ARL6IP6: variants seen among roughly 807,000 people sequenced by gnomAD.
ARL6IP6 encodes ADP-ribosylation factor-like protein 6-interacting protein 6.
ARL6IP6 carries 22 observed loss-of-function variants against 21.5 expected under a neutral mutation model. That is an observed-to-expected ratio of 1.02 (90% CI 0.73 to 1.46). ARL6IP6 has a LOEUF of 1.46. Among genes scored for constraint, ARL6IP6 ranks in the 40% most tolerant of loss-of-function variants. The probability of loss-of-function intolerance (pLI) is 0.00; values close to 1 mark genes in which losing one functional copy is unlikely to be tolerated. For missense variants in ARL6IP6, 388 were observed against 299.8 expected (o/e 1.29, Z -2.17); for synonymous variants, 164 against 125.3 (o/e 1.31, Z -2.06).
chr2:152,720,412 G>T (rs776211455), intron 1 of ARL6IP6, 121 bp from the exon 2 acceptor site: 2 of 915,368 alleles, frequency 2.2e-6, no homozygotes, highest in Non-Finnish European at 3.5e-6. Context: ...ATCAGAATTT[G>T]AACCCAGTTC....
At chr2:152,753,554 A>G (rs978786652) in intron 3 of ARL6IP6, among the ~76,000 whole-genome samples, 26 of 151,846 alleles carry the variant, frequency 1.7e-4, no homozygotes, top group African/African-American at 6.3e-4. Context: ...CAAAATGCCA[A>G]TTTTCTACCA....
intron 2 of ARL6IP6, among the ~76,000 whole-genome samples, chr2:152,729,601 G>A (rs961612541): frequency 6.6e-6 from 1 of 152,132 alleles, no homozygotes; most frequent in African/African-American, 2.4e-5. Context: ...CAGAACTGTG[G>A]CTGTGGGTGC....
intron 2 of ARL6IP6, among the ~76,000 whole-genome samples, chr2:152,726,156 TA>T (rs397965355): frequency 6.6e-6 from 1 of 152,108 alleles, no homozygotes; most frequent in African/African-American, 2.4e-5. Context: ...GTTTTTTTTT[TA>T]ATTTTCCCAT....
chr2:152,747,763 G>A (rs564758786), intron 3 of ARL6IP6, among the ~76,000 whole-genome samples: 8 of 152,084 alleles, frequency 5.3e-5, no homozygotes, highest in Admixed American at 4.6e-4. Flanking sequence ...TAGAGATGGG[G>A]TTTCACCATG....
chr2:152,746,727 G>C (rs1432979511), intron 3 of ARL6IP6, among the ~76,000 whole-genome samples: 1 of 151,024 alleles, frequency 6.6e-6, no homozygotes, highest in Non-Finnish European at 1.5e-5. Context: ...CTTTTCTTAA[G>C]GTTTTTTGAG....
chr2:152,737,224 G>C (rs989604319), intron 3 of ARL6IP6, among the ~76,000 whole-genome samples: 3 of 152,028 alleles, frequency 2.0e-5, no homozygotes, highest in African/African-American at 7.3e-5. Context: ...GAGAAGTCAT[G>C]ATTTTACTCT....
At chr2:152,741,786 G>A (rs1162707092) in intron 3 of ARL6IP6, among the ~76,000 whole-genome samples, 1 of 152,178 alleles carries the variant, frequency 6.6e-6, no homozygotes, top group East Asian at 1.9e-4. Flanking sequence ...TTTTTGGAAA[G>A]ATGGTTCCAT....
chr2:152,719,102 C>G (rs1469288977), intron 1 of ARL6IP6, 78 bp downstream of exon 1: 2 of 1,408,662 alleles, frequency 1.4e-6, no homozygotes, highest in Non-Finnish European at 1.9e-6. Flanking sequence ...ACCCATCTCC[C>G]TTTCCCTCGC....
rs148715753 is a variant in ARL6IP6 at position 152,747,110 on chromosome 2, G to A, written c.587+11984G>A. On this transcript the variant is annotated intron_variant, in intron 3 of 3. Coordinates refer to ENST00000326446, the MANE Select transcript of ARL6IP6 (RefSeq NM_152522.7). ...CTCCCAAGGCACTGGGATTACAGGC[G>A]TGAGCCACCACGCCCAGCCAACAAC... Among the ~76,000 whole-genome samples, 54 of 152,116 alleles carry A rather than the reference G, an allele frequency of 3.5e-4. No homozygotes were observed. In the East Asian group the frequency reaches 5.2e-3, roughly 15 times the overall value.
Position 152,718,999 on chromosome 2 carries a change from C to G in ARL6IP6, c.375C>G (p.Leu125=). 6.3e-7 allele frequency: 1 copy of G among 1,578,340 alleles called. No homozygotes were observed. Among genetic ancestry groups the G allele is most frequent in the Non-Finnish European group, 8.6e-7 (1 of 1,159,512 alleles). ...LLFAILLAFL[L]AIAYLIVKEL... ...TCGCCATTCTTCTCGCCTTCCTCCTCGCCATCGCCTACTTGATCGTTAAAG... is the reference window on the plus strand; with the variant it reads ...TCGCCATTCTTCTCGCCTTCCTCCTGGCCATCGCCTACTTGATCGTTAAAG... Residue 125 remains leucine, a synonymous_variant, in exon 1 of 4, where the codon CTC becomes CTG. Coordinates refer to ENST00000326446, the MANE Select transcript of ARL6IP6 (RefSeq NM_152522.7).
intron 2 of ARL6IP6, among the ~76,000 whole-genome samples, chr2:152,722,865 G>A (rs146282010): frequency 1.3e-5 from 2 of 152,136 alleles, no homozygotes; most frequent in East Asian, 3.9e-4. Context: ...CCAAGATTGC[G>A]CCACTGCATT....
rs141813011 is a variant in ARL6IP6, at chr2:152,735,002, A to G, written c.463A>G (p.Thr155Ala). The G allele has an allele frequency of 2.9e-5, 47 of 1,612,508 alleles. No individual in the cohort carries two copies. Among genetic ancestry groups the G allele is most frequent in the African/African-American group, 4.0e-5 (3 of 74,830 alleles). ...TCTCTTTTCCTGTTAAGGATTCTGG[A>G]CTCTACTTATAATATCCCTAACTGC... ...DVDTGLLGFW[T>A]LLIISLTAGF... The change falls in exon 3 of 4, where the codon ACT (threonine) becomes GCT (alanine). Residue 155 changes from threonine (T) to alanine (A), a missense_variant. By Grantham distance (58) the Thr-to-Ala change is moderately conservative. Coordinates refer to ENST00000326446, the MANE Select transcript of ARL6IP6 (RefSeq NM_152522.7).
intron 3 of ARL6IP6, among the ~76,000 whole-genome samples, chr2:152,743,101 A>AATCTGTTCTTAACATC (rs6146967): frequency 0.99 from 150,080 of 152,276 alleles, 73,964 homozygotes; most frequent in East Asian, 1. Flanking sequence ...GCTAAATCAA[A>AATCTGTTCTTAACATC]AGACTTTCTC....
intron 3 of ARL6IP6, among the ~76,000 whole-genome samples, chr2:152,736,285 C>CA (rs1456676126): frequency 6.6e-6 from 1 of 151,992 alleles, no homozygotes; most frequent in Non-Finnish European, 1.5e-5. Flanking sequence ...AGACTCGTTT[C>CA]AAAAAAATCA....
chr2:152,735,231 A>G (rs1700499136), intron 3 of ARL6IP6, 105 bp downstream of exon 3: 2 of 1,278,988 alleles, frequency 1.6e-6, no homozygotes, highest in Non-Finnish European at 2.2e-6. Flanking sequence ...TTGAGGTTTC[A>G]GTCTTTATAA....
At chr2:152,757,943 A>G (rs1056445834) in intron 3 of ARL6IP6, among the ~76,000 whole-genome samples, 1 of 152,204 alleles carries the variant, frequency 6.6e-6, no homozygotes, top group Admixed American at 6.5e-5. Flanking sequence ...TGAACTTTAA[A>G]GGTTTTTCTA....
chr2:152,735,150 C>CT (rs776589111), intron 3 of ARL6IP6, 24 bp downstream of exon 3: 1 of 1,611,106 alleles, frequency 6.2e-7, no homozygotes, highest in Non-Finnish European at 8.5e-7. Flanking sequence ...TTTCCTGTTT[C>CT]TTTTTTAAAT....
At chr2:152,734,136 T>C (rs1700448353) in intron 2 of ARL6IP6, among the ~76,000 whole-genome samples, 4 of 152,198 alleles carry the variant, frequency 2.6e-5, no homozygotes, top group Admixed American at 2.6e-4. Flanking sequence ...TTAAATTAGC[T>C]TACTCCTTTC....
chr2:152,729,334 C>G (rs7597697), intron 2 of ARL6IP6, among the ~76,000 whole-genome samples: 5 of 150,952 alleles, frequency 3.3e-5, no homozygotes, highest in African/African-American at 1.2e-4. Flanking sequence ...CAGACTTTGT[C>G]TGTGTGTGTG....
Sources: allele counts gnomAD v4.1 joint callset (sites outside exome capture counted in the v4.1 genomes callset), GRCh38; gene constraint gnomAD v4.1.1; transcripts MANE v1.5; gene names NCBI Gene and HGNC (gene_info 2026-07-23, HGNC 2026-07-21).